Variants in ZNF695 observed in about 807,000 individuals in gnomAD.
ZNF695 encodes zinc finger protein 695, also known as zinc finger protein SBZF3.
Under a neutral mutation model 11.2 loss-of-function variants are expected in ZNF695, and 11 were observed. The ratio of observed to expected loss-of-function variants is 0.98; its 90% confidence interval spans 0.62 to 1.62. The LOEUF is 1.62. Ranked by LOEUF, ZNF695 falls within the 40% of genes most tolerant of loss-of-function variation. The probability of loss-of-function intolerance (pLI) is 0.00; values close to 1 mark genes in which losing one functional copy is unlikely to be tolerated. For missense variants in ZNF695, 559 were observed against 590.5 expected (o/e 0.95, Z 0.55); for synonymous variants, 190 against 201.4 (o/e 0.94, Z 0.48).
Position 246,998,977 on chromosome 1 carries a change from AATATATATATATATAT to A in ZNF695, c.259+355_259+370del, listed in dbSNP as rs6143721. On this transcript the variant is annotated intron_variant, in intron 3 of 3. Transcript: ENST00000339986. ...AACGAGACTCTGTCTCAAGAAAACA[AATATATATATATATAT>A]ATATATATATATATATATATATATG... 5.4e-3 allele frequency among the ~76,000 whole-genome samples: 783 copies of A among 144,344 alleles called. 7 individuals carry two copies. Among genetic ancestry groups the A allele is most frequent in the African/African-American group, 0.017 (669 of 38,700 alleles). The allele number at this position is 144,344 out of a possible 152,430, so 94.7% of individuals were successfully genotyped here.
At chr1:246,967,558 G>A (rs1363970767) in intron 5 of ZNF695, 3 of 426,752 alleles carry the variant, frequency 7.0e-6, no homozygotes, top group Non-Finnish European at 1.4e-5. Context: ...TGAGATAGGG[G>A]AAGACTTGCA....
chr1:246,995,805 C>T (rs2103028766), intron 3 of ZNF695, among the ~76,000 whole-genome samples: 1 of 113,532 alleles, frequency 8.8e-6, no homozygotes, highest in Non-Finnish European at 1.6e-5. Flanking sequence ...AGAGCTGAGA[C>T]TCTGTCTCAA....
chr1:246,998,619 A>G (rs1000284549), intron 3 of ZNF695, among the ~76,000 whole-genome samples: 1 of 152,232 alleles, frequency 6.6e-6, no homozygotes, highest in South Asian at 2.1e-4. Context: ...TTAACCAAAT[A>G]CCAATATCAC....
rs1187712790 is a variant in ZNF695, at chr1:247,008,020, C to A, written c.-112G>T. 4.0e-6 allele frequency: 5 copies of A among 1,256,040 alleles called. No individual in the cohort carries two copies. Among genetic ancestry groups the A allele is most frequent in the Admixed American group, 3.0e-5 (1 of 33,842 alleles). 77.8% of individuals were successfully genotyped at this position (1,256,040 alleles called of 1,614,324 possible). ...CCGGGACTCTCCGAGAGGCAGCAGA[C>A]GGGAACCCAGCACCCCGCCGGCCGC... On this transcript the variant is annotated 5_prime_UTR_variant, in exon 1 of 4. Coordinates refer to ENST00000339986, the MANE Select transcript of ZNF695 (RefSeq NM_020394.5).
At chr1:246,988,991 G>T (rs1328442882) in intron 3 of ZNF695, among the ~76,000 whole-genome samples, 2 of 152,154 alleles carry the variant, frequency 1.3e-5, no homozygotes, top group Non-Finnish European at 2.9e-5. Flanking sequence ...CTACTCAGGA[G>T]GCTGAGGCAG....
intron 1 of ZNF695, among the ~76,000 whole-genome samples, chr1:247,006,021 C>T (rs764962284): frequency 1.3e-5 from 2 of 151,604 alleles, no homozygotes; most frequent in Admixed American, 6.6e-5. Context: ...GTCAGGAGAT[C>T]GAGATCATCC....
In ZNF695 at chr1:246,988,266, T is replaced by C; in HGVS notation, c.260-11A>G. The C allele has an allele frequency of 6.6e-7, 1 of 1,525,982 alleles. No individual in the cohort carries two copies. Among genetic ancestry groups the C allele is most frequent in the Non-Finnish European group, 8.8e-7 (1 of 1,140,984 alleles). The allele number at this position is 1,525,982 out of a possible 1,614,324, so 94.5% of individuals were successfully genotyped here. ...GATAAGAAGACAAAACTGGAAAAAA[T>C]AAAAACAACAAATTATTCCACTTAC... On this transcript the variant is annotated splice_polypyrimidine_tract_variant and intron_variant, in intron 3 of 3. Transcript: ENST00000339986.
At chr1:247,001,643 G>A (rs1357479655) in intron 1 of ZNF695, among the ~76,000 whole-genome samples, 1 of 147,050 alleles carries the variant, frequency 6.8e-6, no homozygotes, top group East Asian at 2.0e-4. Context: ...AACCCAGGAG[G>A]CTGAGGTTGC....
At chr1:246,990,841 A>T (rs1338714755) in intron 3 of ZNF695, among the ~76,000 whole-genome samples, 1 of 152,254 alleles carries the variant, frequency 6.6e-6, no homozygotes, top group Non-Finnish European at 1.5e-5. Context: ...GAAATTAAAC[A>T]ATACGCTCCC....
chr1:247,008,021 G>A lies in ZNF695; in HGVS notation c.-113C>T. 9 of 1,247,106 alleles carry A rather than the reference G, an allele frequency of 7.2e-6. No homozygotes were observed. The highest frequency in any genetic ancestry group is 1.5e-5 in the African/African-American group (1 of 64,682). 77.3% of individuals were successfully genotyped at this position (1,247,106 alleles called of 1,614,324 possible). ...CGGGACTCTCCGAGAGGCAGCAGAC[G>A]GGAACCCAGCACCCCGCCGGCCGCA... On this transcript the variant is annotated 5_prime_UTR_variant, in exon 1 of 4. Transcript: ENST00000339986.
rs1218957845 is a variant in ZNF695, at chr1:246,952,921, T to C, written c.489-7094A>G. Among the ~76,000 whole-genome samples, 3 of 149,078 alleles carry C rather than the reference T, an allele frequency of 2.0e-5. 1 individual carries two copies. The highest frequency in any genetic ancestry group is 7.7e-5 in the African/African-American group (3 of 38,810). ...GGGCAACATAGTGAGGCCTTATCTG[T>C]ATAAATTTTGTTTTAAAAAAGAAAT... is the stretch of plus-strand genomic sequence containing the variant. On this transcript the variant is annotated intron_variant, in intron 5 of 5. Transcript: ENST00000487338.
At chr1:247,006,467 C>T (rs1316689090) in intron 1 of ZNF695, among the ~76,000 whole-genome samples, 1 of 151,904 alleles carries the variant, frequency 6.6e-6, no homozygotes, top group Non-Finnish European at 1.5e-5. Context: ...AAAAATTAGC[C>T]GGGCATGGTG....
At chr1:247,000,190 A>T in intron 1 of ZNF695, 116 bp from the exon 2 acceptor site, 1 of 858,520 alleles carries the variant, frequency 1.2e-6, no homozygotes, top group Non-Finnish European at 1.8e-6. Context: ...TAGAATTATC[A>T]AATAAGATAA....
At chr1:246,991,433 A>T (rs998600810) in intron 3 of ZNF695, among the ~76,000 whole-genome samples, 2 of 152,232 alleles carry the variant, frequency 1.3e-5, no homozygotes, top group Admixed American at 1.3e-4. Context: ...ATAGGAAAAA[A>T]ATCTAATAAT....
At chr1:246,989,988 G>A (rs1668978252) in intron 3 of ZNF695, among the ~76,000 whole-genome samples, 1 of 146,318 alleles carries the variant, frequency 6.8e-6, no homozygotes, top group Non-Finnish European at 1.5e-5. Context: ...GTGACACAGT[G>A]AGACCCCATC....
At chr1:246,998,791 C>A (rs1669278302) in intron 3 of ZNF695, among the ~76,000 whole-genome samples, 2 of 152,228 alleles carry the variant, frequency 1.3e-5, no homozygotes, top group South Asian at 2.1e-4. Flanking sequence ...CATGGTGAAA[C>A]CCTGTCTCTA....
At position 246,945,704 on chromosome 1, in the gene ZNF695, G is replaced by A. The variant is rs1667716216; in HGVS notation, c.*93C>T. 5.2e-6 allele frequency: 7 copies of A among 1,349,566 alleles called. No individual in the cohort carries two copies. The South Asian group carries it at 6.4e-5, about 12-fold the overall frequency. The allele number at this position is 1,349,566 out of a possible 1,614,324, so 83.6% of individuals were successfully genotyped here. ...GGAGGCATGTTTTAATTCAGAACTC[G>A]GGCTGACGCAGCTGGACCCGGTGTA... On this transcript the variant is annotated 3_prime_UTR_variant, in exon 6 of 6. Transcript: ENST00000487338.
intron 3 of ZNF695, among the ~76,000 whole-genome samples, chr1:246,992,281 A>G (rs1292840782): frequency 1.3e-5 from 2 of 152,220 alleles, no homozygotes; most frequent in African/African-American, 4.8e-5. Flanking sequence ...CACGTTAAGT[A>G]AAATAAGCCA....
At chr1:246,985,188 A>G (rs1194493625), downstream of ZNF695, 1 of 563,034 alleles carries the variant, frequency 1.8e-6, no homozygotes, top group East Asian at 1.5e-4. Flanking sequence ...AGAGTAGTAT[A>G]TTTATGTATT....
Sources: allele counts gnomAD v4.1 joint callset (sites outside exome capture counted in the v4.1 genomes callset), GRCh38; gene constraint gnomAD v4.1.1; transcripts MANE v1.5; gene names NCBI Gene and HGNC (gene_info 2026-07-23, HGNC 2026-07-21).